Variants in IFT27 observed in about 807,000 individuals in gnomAD.
IFT27 encodes the protein intraflagellar transport protein 27 homolog.
Under a neutral mutation model 23.9 loss-of-function variants are expected in IFT27, and 19 were observed. The observed-to-expected ratio is 0.79, with a 90% confidence interval of 0.55 to 1.16. The LOEUF (loss-of-function observed/expected upper bound fraction) is 1.16, where lower values mean the gene tolerates loss of function less well. Among genes scored for constraint, IFT27 ranks in the 50% most tolerant of loss-of-function variants. The pLI is 0.00. For missense variants in IFT27, 206 were observed against 228.7 expected, an observed-to-expected ratio of 0.90 and a Z score of 0.64; for synonymous variants, 91 against 89.1, an observed-to-expected ratio of 1.02 and a Z score of -0.12.
chr22:36,767,367 T>C lies in IFT27; in HGVS notation c.115-2A>G, dbSNP rs757025785. 9 of 1,611,946 alleles carry C rather than the reference T, an allele frequency of 5.6e-6. No individual in the cohort carries two copies. The East Asian group carries it at 1.8e-4, about 32-fold the overall frequency. On this transcript the variant is annotated splice_acceptor_variant, in intron 2 of 6. Coordinates refer to ENST00000433985, the MANE Select transcript of IFT27 (RefSeq NM_001177701.3). LOFTEE classifies it high-confidence loss of function. ...CACCACCAAATCCATTCCTGTTGTC[T>C]GCCGAGGAACACCAAGAATGTTAGC... is the stretch of plus-strand genomic sequence containing the variant.
At chr22:36,767,422 AC>A in intron 2 of IFT27, 57 bp from the exon 3 acceptor site, 1 of 1,481,480 alleles carries the variant, frequency 6.8e-7, no homozygotes, top group Non-Finnish European at 9.3e-7. Context: ...AGAGCATGTT[AC>A]AGGAGGACAC....
At chr22:36,773,467 CA>C (rs1483939320) in intron 1 of IFT27, among the ~76,000 whole-genome samples, 3 of 151,970 alleles carry the variant, frequency 2.0e-5, no homozygotes, top group Non-Finnish European at 4.4e-5. Context: ...GCCTGGCTAA[CA>C]TGGTGAAACC....
chr22:36,760,481 C>A (rs895045746), intron 6 of IFT27: 3 of 152,242 alleles, frequency 2.0e-5, no homozygotes, highest in Non-Finnish European at 2.9e-5. Context: ...CTCGCTTACA[C>A]AGTCAGGACA....
intron 6 of IFT27, chr22:36,760,945 A>C (rs1402922671): frequency 6.0e-6 from 1 of 167,094 alleles, no homozygotes; most frequent in African/African-American, 2.4e-5. Context: ...AGAAGAGAGG[A>C]GGAGATGAGC....
intron 1 of IFT27, 128 bp downstream of exon 1, chr22:36,775,546 G>T: frequency 1.1e-6 from 1 of 930,338 alleles, no homozygotes; most frequent in Non-Finnish European, 1.8e-6. Context: ...ATCAGTAATT[G>T]CAGTAACTCG....
intron 6 of IFT27, chr22:36,761,989 G>A (rs773077400): frequency 8.5e-5 from 13 of 152,246 alleles, no homozygotes; most frequent in Admixed American, 2.0e-4. Context: ...GACCATGACT[G>A]TGCCAGGCCT....
rs1938294411 is a variant in IFT27, at chr22:36,767,849, C to T, written c.48G>A (p.Val16=). ...AGATCTGTGCCAGGGCGGTCTTGCC[C>T]ACTGCTGGGTCTCCTGTGAGATCAG... ...AKCILAGDPA[V]GKTALAQIFR... The change falls in exon 2 of 7, where the codon GTG becomes GTA. Residue 16 remains valine (V), a synonymous_variant. Coordinates refer to ENST00000433985, the MANE Select transcript of IFT27 (RefSeq NM_001177701.3). 1 of 1,614,106 alleles carries T rather than the reference C, an allele frequency of 6.2e-7. No homozygotes were observed. The highest frequency in any genetic ancestry group is 8.5e-7 in the Non-Finnish European group (1 of 1,179,926).
rs1555908090 is a variant in IFT27 at position 36,766,064 on chromosome 22, G to C, written c.234+74C>G. 6.8e-6 allele frequency: 8 copies of C among 1,173,920 alleles called. No homozygotes were observed. The South Asian group carries it at 8.5e-5, about 12-fold the overall frequency. The allele number at this position is 1,173,920 out of a possible 1,614,324, so 72.7% of individuals were successfully genotyped here. A position where few individuals can be genotyped will look rare whatever the true frequency, so the allele number is the denominator to read the frequency against. On this transcript the variant is annotated intron_variant, in intron 4 of 6. Transcript: ENST00000433985. The stretch of plus-strand genomic sequence containing the variant: ...AACAGCACAGTGCAGGGAAACTGCT[G>C]TGTGAGCACTGTCAGGGGTAAACGT...
At position 36,763,897 on chromosome 22, in the gene IFT27, CAT is replaced by C; in HGVS notation, c.352+20_352+21del. Reference sequence around the variant, plus strand: ...AAAGGACAGAGATGCCGCTGGGAAACATGGGTGTCTGCAGCCCGTACCTGGGA... The same window carrying C: ...AAAGGACAGAGATGCCGCTGGGAAACGGGTGTCTGCAGCCCGTACCTGGGA... On this transcript the variant is annotated intron_variant, in intron 5 of 6. Transcript: ENST00000433985. The C allele has an allele frequency of 6.6e-7, 1 of 1,512,776 alleles. No homozygotes were observed. The highest frequency in any genetic ancestry group is 9.2e-7 in the Non-Finnish European group (1 of 1,087,484). The allele number at this position is 1,512,776 out of a possible 1,614,324, so 93.7% of individuals were successfully genotyped here.
chr22:36,763,660 C>A (rs1938157460), intron 5 of IFT27: 1 of 560,560 alleles, frequency 1.8e-6, no homozygotes, highest in African/African-American at 1.9e-5. Flanking sequence ...GATATTACAG[C>A]ACCCTCCCGT....
chr22:36,766,259 T>C (rs1938247476), intron 3 of IFT27, 62 bp from the exon 4 acceptor site: 1 of 1,386,184 alleles, frequency 7.2e-7, no homozygotes, highest in African/African-American at 1.4e-5. Flanking sequence ...GAGTCACTGG[T>C]ATCACTCTCA....
chr22:36,758,498 A>G (rs1024467741), intron 6 of IFT27, 89 bp from the exon 7 acceptor site: 1 of 979,064 alleles, frequency 1.0e-6, no homozygotes, highest in Admixed American at 1.8e-5. Flanking sequence ...TTCGGGGGCT[A>G]CCTACTTTCC....
At position 36,763,032 on chromosome 22, in the gene IFT27, C is replaced by T; in HGVS notation, c.353-19G>A. ...AAAACACCTACTCAGAAGAAACAACCAAAATATGGCACTTCACTGTCACAC... is the reference window on the plus strand; with the variant it reads ...AAAACACCTACTCAGAAGAAACAACTAAAATATGGCACTTCACTGTCACAC... On this transcript the variant is annotated intron_variant, in intron 5 of 6. Transcript: ENST00000433985. 6.5e-7 allele frequency: 1 copy of T among 1,543,178 alleles called. No homozygotes were observed. The highest frequency in any genetic ancestry group is 1.7e-4 in the Middle Eastern group (1 of 5,872).
intron 4 of IFT27, 41 bp downstream of exon 4, chr22:36,766,097 G>A: frequency 2.0e-6 from 3 of 1,534,884 alleles, no homozygotes; most frequent in Non-Finnish European, 2.7e-6. Flanking sequence ...CGTTTTGGCA[G>A]GAGGTGGTGA....
At chr22:36,766,457 T>G in intron 3 of IFT27, 1 of 480,418 alleles carries the variant, frequency 2.1e-6, no homozygotes, top group Non-Finnish European at 3.8e-6. Flanking sequence ...CTTGTAACCC[T>G]GAGTGCAAAA....
Position 36,758,367 on chromosome 22 carries a change from T to G in IFT27, c.505A>C (p.Lys169Gln). ...TCCCGGTACAGCTGGTGGAACTGCT[T>G]GGCAAGGCAGTGGAAAGGGGCTTCG... is the stretch of plus-strand genomic sequence containing the variant. ...NFEAPFHCLAKQFHQLYREKV... is the reference protein window; with the variant it reads ...NFEAPFHCLAQQFHQLYREKV... The change falls in exon 7 of 7, where the codon AAG becomes CAG. Residue 169 changes from lysine (K) to glutamine (Q), a missense_variant. Transcript: ENST00000433985. 1 of 1,614,160 alleles carries G rather than the reference T, an allele frequency of 6.2e-7. No individual in the cohort carries two copies. The highest frequency in any genetic ancestry group is 8.5e-7 in the Non-Finnish European group (1 of 1,180,026).
At chr22:36,762,199 G>A (rs1938108468) in intron 6 of IFT27, 1 of 152,322 alleles carries the variant, frequency 6.6e-6, no homozygotes, top group Non-Finnish European at 1.5e-5. Flanking sequence ...GCCTCAAGGA[G>A]GATGGGACTT....
At chr22:36,775,217 C>G (rs1240657494) in intron 1 of IFT27, among the ~76,000 whole-genome samples, 1 of 151,412 alleles carries the variant, frequency 6.6e-6, no homozygotes, top group Non-Finnish European at 1.5e-5. Context: ...AAACTCTGGT[C>G]ACTACACTCA....
intron 6 of IFT27, chr22:36,759,681 A>G (rs1247488343): frequency 6.6e-6 from 1 of 152,272 alleles, no homozygotes; most frequent in Non-Finnish European, 1.5e-5. Flanking sequence ...AGCTGGCAAA[A>G]GTGCAACCTT....
Sources: gnomAD v4.1 joint callset for allele counts (sites outside exome capture counted in the v4.1 genomes callset) on GRCh38, gnomAD v4.1.1 for gene constraint, MANE v1.5 for transcripts, NCBI Gene and HGNC (gene_info 2026-07-23, HGNC 2026-07-21) for gene names.